The following DYNC1I2 variants were observed in gnomAD, a reference collection of about 807,000 sequenced individuals.
The protein encoded by DYNC1I2 is dynein cytoplasmic 1 intermediate chain 2.
In DYNC1I2, 53 loss-of-function variants were observed where a neutral mutation model predicts 88.6. The observed-to-expected ratio is 0.60, with a 90% confidence interval of 0.48 to 0.75. The LOEUF (loss-of-function observed/expected upper bound fraction) is 0.75. Ranked by LOEUF, DYNC1I2 falls within the 30% of genes least tolerant of loss-of-function variation. DYNC1I2 has a pLI of 0.00. For synonymous variants in DYNC1I2, 198 were observed against 254.6 expected, an observed-to-expected ratio of 0.78 and a Z score of 2.12; for missense variants, 458 against 766.6, an observed-to-expected ratio of 0.60 and a Z score of 4.75.
intron 2 of DYNC1I2, among the ~76,000 whole-genome samples, chr2:171,692,529 A>C (rs995530646): frequency 1.3e-5 from 2 of 152,136 alleles, no homozygotes. Context: ...TCTGTTAGGA[A>C]AATTTTTGTG....
At chr2:171,699,462 T>C (rs1686039631) in intron 3 of DYNC1I2, among the ~76,000 whole-genome samples, 1 of 152,202 alleles carries the variant, frequency 6.6e-6, no homozygotes, top group Non-Finnish European at 1.5e-5. Context: ...TTTTTGCTTT[T>C]GCTATTTTGT....
At chr2:171,737,044 C>CTCT (rs948958353) in intron 15 of DYNC1I2, among the ~76,000 whole-genome samples, 1 of 152,128 alleles carries the variant, frequency 6.6e-6, no homozygotes, top group Admixed American at 6.5e-5. Context: ...TTCTGGAGGC[C>CTCT]AGAAGTCCAA....
At chr2:171,715,488 A>G in intron 7 of DYNC1I2, 45 bp downstream of exon 7, 1 of 1,163,906 alleles carries the variant, frequency 8.6e-7, no homozygotes, top group Non-Finnish European at 1.2e-6. Context: ...CACCTATGTT[A>G]AATACATAGA....
intron 13 of DYNC1I2, 56 bp downstream of exon 13, chr2:171,728,474 T>C: frequency 2.8e-6 from 3 of 1,067,980 alleles, no homozygotes; most frequent in Admixed American, 5.2e-5. Flanking sequence ...TTTAAGTGTA[T>C]GTGTACCTCA....
intron 2 of DYNC1I2, 55 bp from the exon 3 acceptor site, chr2:171,692,722 C>T: frequency 7.6e-7 from 1 of 1,312,954 alleles, no homozygotes; most frequent in Non-Finnish European, 1.0e-6. Context: ...AACATTTTTG[C>T]AAACAAATTT....
chr2:171,725,524 ACT>A, intron 7 of DYNC1I2, 92 bp from the exon 8 acceptor site: 2 of 782,240 alleles, frequency 2.6e-6, no homozygotes, highest in Non-Finnish European at 3.9e-6. Context: ...CTTCTGAAAT[ACT>A]GTCTCAAAAG....
intron 17 of DYNC1I2, 38 bp from the exon 18 acceptor site, chr2:171,747,738 A>C: frequency 7.1e-7 from 1 of 1,400,814 alleles, no homozygotes; most frequent in Non-Finnish European, 1.0e-6. Flanking sequence ...ATGATCTTTT[A>C]TTTCATTGTA....
chr2:171,691,256 G>A (rs1685385570), intron 2 of DYNC1I2, among the ~76,000 whole-genome samples: 1 of 152,062 alleles, frequency 6.6e-6, no homozygotes, highest in African/African-American at 2.4e-5. Context: ...ATTATATACA[G>A]CAAATGTACA....
chr2:171,727,841 A>G lies in DYNC1I2; in HGVS notation c.1017A>G (p.Thr339=). 6.2e-7 allele frequency: 1 copy of G among 1,613,026 alleles called. No individual in the cohort carries two copies. The highest frequency in any genetic ancestry group is 8.5e-7 in the Non-Finnish European group (1 of 1,179,352). ...TGCAGTCAGCTGTGATGTCTGCCAC[A>G]TTTGCAAAATTTCATCCAAATCTTG... ...FHCQSAVMSA[T]FAKFHPNLVV... is the part of the protein sequence containing the mutation. Residue 339 remains threonine, a synonymous_variant, in exon 12 of 18, where the codon ACA becomes ACG. Coordinates refer to ENST00000397119, the MANE Select transcript of DYNC1I2 (RefSeq NM_001378.3).
intron 15 of DYNC1I2, among the ~76,000 whole-genome samples, chr2:171,735,626 C>T (rs1688950935): frequency 6.6e-6 from 1 of 152,176 alleles, no homozygotes; most frequent in African/African-American, 2.4e-5. Flanking sequence ...GACAGGGCTT[C>T]TAATATATTT....
At chr2:171,726,514 G>C (rs1385647303) in intron 10 of DYNC1I2, 3 of 548,386 alleles carry the variant, frequency 5.5e-6, no homozygotes, top group Non-Finnish European at 9.1e-6. Flanking sequence ...ATACAGGCCA[G>C]TTTTACTAAT....
intron 16 of DYNC1I2, 79 bp from the exon 17 acceptor site, chr2:171,745,723 G>A (rs1689732415): frequency 6.3e-6 from 9 of 1,426,854 alleles, no homozygotes; most frequent in Non-Finnish European, 8.5e-6. Context: ...GCCAGCTTGA[G>A]AGAAGAATTA....
At chr2:171,729,907 G>A (rs956059699) in intron 15 of DYNC1I2, 54 bp downstream of exon 15, 2 of 1,585,896 alleles carry the variant, frequency 1.3e-6, no homozygotes, top group East Asian at 4.5e-5. Context: ...ACAAGGTGGT[G>A]ATCTAATACT....
chr2:171,730,300 A>C (rs1264561190), intron 15 of DYNC1I2, among the ~76,000 whole-genome samples: 3 of 152,220 alleles, frequency 2.0e-5, no homozygotes, highest in African/African-American at 7.2e-5. Flanking sequence ...GATTTACAAT[A>C]AGTCCTGTAT....
At chr2:171,747,023 A>T (rs1276269208) in intron 17 of DYNC1I2, among the ~76,000 whole-genome samples, 1 of 151,438 alleles carries the variant, frequency 6.6e-6, no homozygotes, top group Non-Finnish European at 1.5e-5. Flanking sequence ...GCAAAACCCC[A>T]TCTCTACTGA....
chr2:171,711,115 G>A (rs1175590358), intron 5 of DYNC1I2, among the ~76,000 whole-genome samples: 2 of 151,114 alleles, frequency 1.3e-5, no homozygotes, highest in Admixed American at 6.6e-5. Context: ...GAGAACATGC[G>A]GTGTTTGGTT....
intron 7 of DYNC1I2, among the ~76,000 whole-genome samples, chr2:171,721,209 C>A (rs1046258532): frequency 5.0e-5 from 7 of 141,016 alleles, no homozygotes; most frequent in Admixed American, 2.1e-4. Flanking sequence ...TTAGTCTTTT[C>A]TTATTTTCCC....
At chr2:171,700,451 T>A (rs1686160040) in intron 3 of DYNC1I2, among the ~76,000 whole-genome samples, 1 of 152,162 alleles carries the variant, frequency 6.6e-6, no homozygotes, top group African/African-American at 2.4e-5. Context: ...TGAGGGATTT[T>A]CTGAGAGATT....
chr2:171,731,638 A>C (rs1688618705), intron 15 of DYNC1I2, among the ~76,000 whole-genome samples: 1 of 152,054 alleles, frequency 6.6e-6, no homozygotes. Context: ...CTGTGGTCCT[A>C]GCTACTTGGG....
Sources: allele counts gnomAD v4.1 joint callset (sites outside exome capture counted in the v4.1 genomes callset), GRCh38; gene constraint gnomAD v4.1.1; transcripts MANE v1.5; gene names NCBI Gene and HGNC (gene_info 2026-07-23, HGNC 2026-07-21).